DIAPH1: variants seen among roughly 807,000 people sequenced by gnomAD.
DIAPH1 encodes protein diaphanous homolog 1.
Under a neutral mutation model 140.7 loss-of-function variants are expected in DIAPH1, and 46 were observed. The observed-to-expected ratio is 0.33, with a 90% CI of 0.26 to 0.42. The LOEUF is 0.42. Among genes scored for constraint, DIAPH1 ranks in the 10% least tolerant of loss-of-function variants. DIAPH1 has a pLI of 1.00. For synonymous variants in DIAPH1, 565 were observed against 551.6 expected (o/e 1.02, Z -0.34); for missense variants, 1,310 against 1,558.7 (o/e 0.84, Z 2.69).
At chr5:141,532,632 C>A (rs1157219402) in intron 19 of DIAPH1, among the ~76,000 whole-genome samples, 2 of 152,216 alleles carry the variant, frequency 1.3e-5, no homozygotes, top group Non-Finnish European at 1.5e-5. Context: ...TATTAATCTG[C>A]ACTGTTATCA....
chr5:141,579,688 G>A (rs1156973139), intron 8 of DIAPH1, among the ~76,000 whole-genome samples: 7 of 152,118 alleles, frequency 4.6e-5, no homozygotes, highest in Non-Finnish European at 7.4e-5. Flanking sequence ...AGTGGCTCAC[G>A]CTTGTAATCC....
At chr5:141,605,277 A>C (rs938562141) in intron 1 of DIAPH1, among the ~76,000 whole-genome samples, 14 of 152,206 alleles carry the variant, frequency 9.2e-5, no homozygotes, top group African/African-American at 3.1e-4. Flanking sequence ...TAAAAGCAAA[A>C]AACATCTGTA....
chr5:141,533,385 A>T (rs554412684), intron 19 of DIAPH1, among the ~76,000 whole-genome samples: 2 of 152,366 alleles, frequency 1.3e-5, no homozygotes, highest in East Asian at 1.9e-4. Context: ...GGAATTTCTC[A>T]TTTGAAATTT....
chr5:141,597,296 G>A (rs75546645), intron 1 of DIAPH1, among the ~76,000 whole-genome samples: 1,614 of 152,158 alleles, frequency 0.011, 41 homozygotes, highest in African/African-American at 0.037. Context: ...ATATACAAAG[G>A]AATCAGAGCA....
chr5:141,566,069 A>G (rs1171166662), intron 18 of DIAPH1, among the ~76,000 whole-genome samples: 1 of 152,222 alleles, frequency 6.6e-6, no homozygotes, highest in Non-Finnish European at 1.5e-5. Flanking sequence ...TAGCTCAGGG[A>G]AAGAGTGAAG....
At chr5:141,591,866 G>A (rs988912573) in intron 1 of DIAPH1, among the ~76,000 whole-genome samples, 8 of 149,912 alleles carry the variant, frequency 5.3e-5, no homozygotes, top group South Asian at 2.1e-4. Context: ...GGTGGATCAC[G>A]AGATCAGGAG....
intron 1 of DIAPH1, among the ~76,000 whole-genome samples, chr5:141,608,951 AAAC>A (rs896168845): frequency 6.6e-6 from 1 of 152,180 alleles, no homozygotes; most frequent in African/African-American, 2.4e-5. Context: ...TCAGCAATTT[AAAC>A]AACTAAAACT....
intron 27 of DIAPH1, among the ~76,000 whole-genome samples, 200 bp downstream of exon 27, chr5:141,523,943 T>C (rs1015346484): frequency 1.3e-5 from 2 of 151,922 alleles, no homozygotes; most frequent in African/African-American, 4.8e-5. Context: ...TGTAACTGAT[T>C]TATTGCCAGT....
chr5:141,522,120 A>G (rs2099886643), intron 27 of DIAPH1, among the ~76,000 whole-genome samples: 1 of 152,222 alleles, frequency 6.6e-6, no homozygotes, highest in African/African-American at 2.4e-5. Flanking sequence ...TGAATGCACC[A>G]GGGTCTAAAG....
chr5:141,527,711 A>AAAAAAAAAAAAC lies in DIAPH1; in HGVS notation c.3149-26_3149-15dup. The AAAAAAAAAAAAC allele has an allele frequency of 1.9e-6, 3 of 1,566,970 alleles. No individual in the cohort carries two copies. Among genetic ancestry groups the AAAAAAAAAAAAC allele is most frequent in the East Asian group, 2.3e-5 (1 of 44,260 alleles). The stretch of plus-strand genomic sequence containing the variant: ...TTTCAGCAGAAACTAAAAAAAAAAA[A>AAAAAAAAAAAAC]AAAAAAAAAAACCATAAAAACAGAC... On this transcript the variant is annotated splice_polypyrimidine_tract_variant and intron_variant, in intron 23 of 27. Transcript: ENST00000389054.
intron 18 of DIAPH1, among the ~76,000 whole-genome samples, chr5:141,562,612 AAAAAAAACAAAC>A (rs914396668): frequency 1.5e-5 from 2 of 129,472 alleles, no homozygotes; most frequent in African/African-American, 2.7e-5. Context: ...TATGCAAAAA[AAAAAAAACAAAC>A]AAAAAAAAAC....
intron 11 of DIAPH1, chr5:141,577,947 T>C: frequency 1.8e-6 from 1 of 545,146 alleles, no homozygotes; most frequent in Non-Finnish European, 3.3e-6. Context: ...CAGTTCTACA[T>C]CTTAGTAAGC....
At chr5:141,519,016 T>G (rs536098648) in intron 27 of DIAPH1, 2 of 1,549,804 alleles carry the variant, frequency 1.3e-6, no homozygotes, top group South Asian at 1.2e-5. Flanking sequence ...GGAGAAAGAA[T>G]AGTGAAGACC....
chr5:141,601,116 C>T (rs1596404604), intron 1 of DIAPH1, among the ~76,000 whole-genome samples: 1 of 151,956 alleles, frequency 6.6e-6, no homozygotes, highest in African/African-American at 2.4e-5. Context: ...TTAGGAGATA[C>T]ACCTAATGTA....
Position 141,618,812 on chromosome 5 carries a change from T to A in DIAPH1, c.103A>T (p.Lys35Ter). ...GGGACACTCACAAATTTCTTAGATT[T>A]GCCGCCGTCGCCGCCCGCCGAGGGC... is the stretch of plus-strand genomic sequence containing the variant. ...ELPSAGGDGG[K>*]SKKFTLKRLM... Residue 35 changes from lysine (K) to a stop codon, truncating the protein, a stop_gained, in exon 1 of 28, where the codon AAA becomes TAA. Coordinates refer to ENST00000389054, the MANE Select transcript of DIAPH1 (RefSeq NM_005219.5). LOFTEE classifies it high-confidence loss of function. 6.5e-7 allele frequency: 1 copy of A among 1,548,276 alleles called. No homozygotes were observed. Among genetic ancestry groups the A allele is most frequent in the East Asian group, 2.5e-5 (1 of 40,198 alleles).
chr5:141,582,962 G>A (rs549291868), intron 6 of DIAPH1, among the ~76,000 whole-genome samples: 44 of 152,262 alleles, frequency 2.9e-4, no homozygotes, highest in Non-Finnish European at 5.1e-4. Flanking sequence ...CCAGTGCTGG[G>A]AGACTAATAT....
intron 27 of DIAPH1, among the ~76,000 whole-genome samples, chr5:141,523,533 G>A (rs545055572): frequency 1.3e-5 from 2 of 152,164 alleles, no homozygotes; most frequent in Admixed American, 6.5e-5. Context: ...TCTTCCAAAG[G>A]ACATGAAAGG....
At chr5:141,542,248 A>G (rs1334888465) in intron 18 of DIAPH1, among the ~76,000 whole-genome samples, 2 of 152,210 alleles carry the variant, frequency 1.3e-5, no homozygotes, top group African/African-American at 4.8e-5. Flanking sequence ...CCTGGCCAAC[A>G]TGGTGAAATG....
At chr5:141,528,652 T>C (rs373518450) in intron 22 of DIAPH1, 50 bp downstream of exon 22, 23 of 1,614,120 alleles carry the variant, frequency 1.4e-5, no homozygotes, top group Middle Eastern at 1.6e-4. Flanking sequence ...ACTGAACTCA[T>C]AGAGGCTACA....
Sources: gnomAD v4.1 joint callset for allele counts (sites outside exome capture counted in the v4.1 genomes callset) on GRCh38, gnomAD v4.1.1 for gene constraint, MANE v1.5 for transcripts, NCBI Gene and HGNC (gene_info 2026-07-23, HGNC 2026-07-21) for gene names.